Variants in ERICH6B observed in about 807,000 individuals in gnomAD.
ERICH6B encodes glutamate-rich protein 6B.
In ERICH6B, 69 loss-of-function variants were observed where a neutral mutation model predicts 80.0. The observed-to-expected ratio is 0.86, with a 90% CI of 0.71 to 1.05. The LOEUF is 1.05. ERICH6B is among the 50% of genes least tolerant of loss of function. ERICH6B has a pLI of 0.00. For synonymous variants in ERICH6B, 283 were observed against 291.9 expected (o/e 0.97, Z 0.31); for missense variants, 754 against 796.1 (o/e 0.95, Z 0.64).
chr13:45,588,685 C>G (rs1876028856), intron 4 of ERICH6B, among the ~76,000 whole-genome samples: 1 of 152,232 alleles, frequency 6.6e-6, no homozygotes, highest in South Asian at 2.1e-4. Flanking sequence ...ATTGGCCTCT[C>G]TGGTCATTTC....
intron 7 of ERICH6B, among the ~76,000 whole-genome samples, chr13:45,577,388 A>G (rs1329216263): frequency 1.5e-5 from 2 of 134,682 alleles, no homozygotes; most frequent in African/African-American, 5.4e-5. Context: ...GGTTCAACCC[A>G]TTCTCCTGCC....
intron 2 of ERICH6B, among the ~76,000 whole-genome samples, chr13:45,604,732 C>G (rs1360723497): frequency 1.3e-5 from 2 of 151,978 alleles, no homozygotes; most frequent in Non-Finnish European, 2.9e-5. Context: ...AAGAAGAAGC[C>G]TAGCTACCAC....
At chr13:45,610,857 G>GTGTGTGTGTGTA (rs147422113) in intron 1 of ERICH6B, among the ~76,000 whole-genome samples, 31 of 147,042 alleles carry the variant, frequency 2.1e-4, no homozygotes, top group South Asian at 1.1e-3. Flanking sequence ...GTGTGTGTGT[G>GTGTGTGTGTGTA]TATATATATA....
intron 11 of ERICH6B, 115 bp from the exon 12 acceptor site, chr13:45,550,431 T>C (rs1034118012): frequency 6.5e-6 from 5 of 768,558 alleles, no homozygotes; most frequent in Admixed American, 2.5e-5. Context: ...ACGTGCTACC[T>C]CATCAACTTG....
intron 11 of ERICH6B, among the ~76,000 whole-genome samples, chr13:45,551,311 C>A (rs558430014): frequency 6.6e-6 from 1 of 152,076 alleles, no homozygotes; most frequent in Non-Finnish European, 1.5e-5. Flanking sequence ...ATATCATTAT[C>A]GTTTATATCC....
chr13:45,603,227 A>T (rs1348481653), intron 2 of ERICH6B, among the ~76,000 whole-genome samples: 1 of 152,230 alleles, frequency 6.6e-6, no homozygotes, highest in Admixed American at 6.5e-5. Context: ...GCCCACCCAC[A>T]TTGGTGAAGA....
At chr13:45,541,740 A>T (rs1873788228) in intron 14 of ERICH6B, 60 bp from the exon 15 acceptor site, 13 of 1,484,230 alleles carry the variant, frequency 8.8e-6, no homozygotes, top group Non-Finnish European at 1.2e-5. Flanking sequence ...GGTGCCCCAG[A>T]CCCAGGCCAG....
rs1873779159 is a variant in ERICH6B at position 45,541,603 on chromosome 13, C to T, written c.1950G>A (p.Lys650=). Residue 650 remains lysine, a synonymous_variant, in exon 15 of 15, where the codon AAG becomes AAA. Transcript: ENST00000298738. ...TCATTTTCCCCAGAAGGACCCGGAT[C>T]TTCTGGGCTGTTGGGCCGGGTTCTG... is the stretch of plus-strand genomic sequence containing the variant. ...LEAEPGPTAQ[K]IRVLLGKMNR... is the part of the protein sequence containing the mutation. 2 of 1,551,754 alleles carry T rather than the reference C, an allele frequency of 1.3e-6. No individual in the cohort carries two copies. Among genetic ancestry groups the T allele is most frequent in the Non-Finnish European group, 1.7e-6 (2 of 1,147,022 alleles).
At chr13:45,602,155 A>G (rs931740053) in intron 2 of ERICH6B, among the ~76,000 whole-genome samples, 8 of 152,162 alleles carry the variant, frequency 5.3e-5, no homozygotes, top group Non-Finnish European at 1.2e-4. Flanking sequence ...TCTGTCCTTC[A>G]TTCTGGGTCC....
intron 5 of ERICH6B, among the ~76,000 whole-genome samples, chr13:45,584,043 C>A (rs946807664): frequency 4.6e-5 from 7 of 152,154 alleles, no homozygotes; most frequent in Non-Finnish European, 8.8e-5. Context: ...TAGGATATAC[C>A]CTTTTATCAC....
Position 45,596,360 on chromosome 13 carries a change from G to T in ERICH6B, c.637+9C>A, listed in dbSNP as rs1427924343. On this transcript the variant is annotated intron_variant, in intron 3 of 14. Coordinates refer to ENST00000298738, the MANE Select transcript of ERICH6B (RefSeq NM_182542.3). ...TCCCATAGATGCTCTCCCTCCTCCA[G>T]ATACTCACCTTTCAGATACTTTTTA... 6.5e-7 allele frequency: 1 copy of T among 1,545,736 alleles called. No individual in the cohort carries two copies. The highest frequency in any genetic ancestry group is 8.7e-7 in the Non-Finnish European group (1 of 1,144,204).
chr13:45,571,243 G>A (rs894265346), intron 8 of ERICH6B, among the ~76,000 whole-genome samples: 1 of 152,154 alleles, frequency 6.6e-6, no homozygotes, highest in African/African-American at 2.4e-5. Context: ...GCACTGCTGT[G>A]TCTAGAGTTT....
chr13:45,572,574 C>T (rs1399541584), intron 8 of ERICH6B, among the ~76,000 whole-genome samples: 1 of 152,112 alleles, frequency 6.6e-6, no homozygotes, highest in East Asian at 1.9e-4. Flanking sequence ...GACCTCTCTA[C>T]ACATGAAACA....
chr13:45,550,305 A>T lies in ERICH6B; in HGVS notation c.1419T>A (p.Gly473=). ...TGGGGTAGAGAATTAATTTTCCATCACCTTGATGCACCTGGGAAGAAAAGA... is the reference window on the plus strand; with the variant it reads ...TGGGGTAGAGAATTAATTTTCCATCTCCTTGATGCACCTGGGAAGAAAAGA... ...WIQKKTVVHQ[G]DGKLILYPNK... Residue 473 remains glycine, a synonymous_variant, in exon 12 of 15, where the codon GGT becomes GGA. Coordinates refer to ENST00000298738, the MANE Select transcript of ERICH6B (RefSeq NM_182542.3). 1 of 1,551,338 alleles carries T rather than the reference A, an allele frequency of 6.4e-7. No individual in the cohort carries two copies.
At chr13:45,541,718 C>T (rs1873786624) in intron 14 of ERICH6B, 38 bp from the exon 15 acceptor site, 1 of 1,539,722 alleles carries the variant, frequency 6.5e-7, no homozygotes, top group Admixed American at 2.0e-5. Flanking sequence ...AGAATGCATG[C>T]TGCCTGAGCA....
rs1874309877 is a variant in ERICH6B, at chr13:45,553,544, A to T, written c.1408-3228T>A. Among the ~76,000 whole-genome samples the T allele has an allele frequency of 1.3e-5, 2 of 152,240 alleles. 1 individual carries two copies. The highest frequency in any genetic ancestry group is 4.1e-4 in the South Asian group (2 of 4,834). On this transcript the variant is annotated intron_variant, in intron 11 of 14. Coordinates refer to ENST00000298738, the MANE Select transcript of ERICH6B (RefSeq NM_182542.3). ...AGGTGACAATGATCATATAACCAAC[A>T]TACAGTGGCTGTTTCCTTATGCCGA... is the stretch of plus-strand genomic sequence containing the variant.
At chr13:45,589,100 C>T (rs1177708691) in intron 4 of ERICH6B, among the ~76,000 whole-genome samples, 4 of 152,208 alleles carry the variant, frequency 2.6e-5, no homozygotes, top group Non-Finnish European at 5.9e-5. Context: ...GCCTGTCACA[C>T]ACGTGCATGT....
chr13:45,596,944 TG>T lies in ERICH6B; in HGVS notation c.61del (p.Gln21AsnfsTer16), dbSNP rs1429276346. ...ASPPHPPTTP[Q>X]YSTQNLPSEK... ...TGAAGGCAAGTTCTGTGTGGAATAT[TG>T]GGGAGTTGTGGGAGGGTGAGGAGGT... On this transcript the variant is annotated frameshift_variant, in exon 3 of 15. Transcript: ENST00000298738. LOFTEE classifies it high-confidence loss of function. The T allele has an allele frequency of 1.3e-6, 2 of 1,551,748 alleles. No individual in the cohort carries two copies. Among genetic ancestry groups the T allele is most frequent in the Non-Finnish European group, 1.7e-6 (2 of 1,147,000 alleles).
chr13:45,606,545 A>ATT (rs1566307925), intron 2 of ERICH6B, among the ~76,000 whole-genome samples: 7 of 12,774 alleles, frequency 5.5e-4, no homozygotes, highest in Non-Finnish European at 7.8e-4. Context: ...ATATATATAT[A>ATT]TATTTTTTTT....
Sources: gnomAD v4.1 joint callset for allele counts (sites outside exome capture counted in the v4.1 genomes callset) on GRCh38, gnomAD v4.1.1 for gene constraint, MANE v1.5 for transcripts, NCBI Gene and HGNC (gene_info 2026-07-23, HGNC 2026-07-21) for gene names.